Variants in AGO2 observed in about 807,000 individuals in gnomAD.
AGO2 encodes the protein protein argonaute-2.
Under a neutral mutation model 102.3 loss-of-function variants are expected in AGO2, and 5 were observed. The observed-to-expected ratio is 0.05, with a 90% CI of 0.03 to 0.10. The LOEUF (loss-of-function observed/expected upper bound fraction) is 0.10, where lower values mean the gene tolerates loss of function less well. Ranked by LOEUF, AGO2 falls within the 10% of genes least tolerant of loss-of-function variation. The pLI is 1.00. For synonymous variants in AGO2, 449 were observed against 473.1 expected (o/e 0.95, Z 0.66); for missense variants, 541 against 1,183.7 (o/e 0.46, Z 7.97).
Position 140,572,850 on chromosome 8 carries a change from G to C in AGO2, c.298C>G (p.Leu100Val). ...RKPVFDGRKN[L>V]YTAMPLPIGR... The stretch of plus-strand genomic sequence containing the variant: ...ATCGGAAGGGGCATGGCTGTGTATA[G>C]ATTCTTCCTGCCGTCAAACACGGGC... The change falls in exon 3 of 19, where the codon CTA (leucine) becomes GTA (valine). Residue 100 changes from leucine to valine, a missense_variant. Around this residue, in one of 6 missense-constraint regions of AGO2, gnomAD observed 147 missense variants for 204.1 expected, o/e 0.72. Transcript: ENST00000220592. The C allele has an allele frequency of 6.2e-7, 1 of 1,614,078 alleles. No individual in the cohort carries two copies. The highest frequency in any genetic ancestry group is 8.5e-7 in the Non-Finnish European group (1 of 1,180,012).
intron 1 of AGO2, among the ~76,000 whole-genome samples, chr8:140,606,851 T>C (rs2074004485): frequency 6.6e-6 from 1 of 151,280 alleles, no homozygotes; most frequent in Non-Finnish European, 1.5e-5. Flanking sequence ...ACAGGAGAAT[T>C]GCTTGAACCT....
rs570965975 is a variant in AGO2 at position 140,617,963 on chromosome 8, G to A, written c.22+17522C>T. ...GTTGAGGCTGCTGTGAGCCGTGATT[G>A]CACCACTGCACTCCAGCCTGGGCAA... On this transcript the variant is annotated intron_variant, in intron 1 of 18. Coordinates refer to ENST00000220592, the MANE Select transcript of AGO2 (RefSeq NM_012154.5). 6.0e-5 allele frequency among the ~76,000 whole-genome samples: 9 copies of A among 151,188 alleles called. No homozygotes were observed. In the South Asian group the frequency reaches 1.9e-3, roughly 32 times the overall value.
upstream of AGO2, among the ~76,000 whole-genome samples, chr8:140,638,699 T>C (rs1017293187): frequency 2.0e-5 from 3 of 151,992 alleles, no homozygotes; most frequent in African/African-American, 7.3e-5. Flanking sequence ...CTCAGCCTCC[T>C]GAGCAGCTGG....
At chr8:140,627,541 A>G (rs571847607) in intron 1 of AGO2, among the ~76,000 whole-genome samples, 1 of 152,216 alleles carries the variant, frequency 6.6e-6, no homozygotes, top group East Asian at 1.9e-4. Flanking sequence ...TTACTGCCCC[A>G]GTAGGATTTT....
chr8:140,599,209 G>A (rs1303198672), intron 1 of AGO2, among the ~76,000 whole-genome samples: 2 of 152,200 alleles, frequency 1.3e-5, no homozygotes, highest in East Asian at 1.9e-4. Context: ...CCCACTGACA[G>A]GCCAGCATCT....
intron 1 of AGO2, among the ~76,000 whole-genome samples, chr8:140,586,728 C>T (rs569341385): frequency 2.6e-5 from 4 of 152,220 alleles, no homozygotes; most frequent in East Asian, 1.9e-4. Context: ...CTTCTCTCTA[C>T]GCCACACCGG....
intron 1 of AGO2, among the ~76,000 whole-genome samples, chr8:140,588,913 ATTTG>A (rs2073705244): frequency 6.6e-6 from 1 of 152,264 alleles, no homozygotes; most frequent in South Asian, 2.1e-4. Context: ...CACTCAGCAC[ATTTG>A]TTTAAGATTC....
intron 3 of AGO2, 105 bp from the exon 4 acceptor site, chr8:140,562,739 C>T: frequency 2.2e-6 from 3 of 1,348,652 alleles, no homozygotes; most frequent in South Asian, 2.7e-5. Context: ...GAGGAAGTCC[C>T]CGCCCAGGCC....
At chr8:140,635,266 G>T (rs1420852168) in intron 1 of AGO2, among the ~76,000 whole-genome samples, 1 of 146,174 alleles carries the variant, frequency 6.8e-6, no homozygotes, top group Admixed American at 6.8e-5. Context: ...GGAGGCCGGG[G>T]CTGCGCGTCC....
chr8:140,553,414 T>C (rs1179840160), intron 10 of AGO2, among the ~76,000 whole-genome samples: 2 of 150,068 alleles, frequency 1.3e-5, no homozygotes, highest in African/African-American at 4.9e-5. Context: ...GTTTTTTGTT[T>C]TTTTTTTTTT....
intron 3 of AGO2, among the ~76,000 whole-genome samples, chr8:140,569,781 G>T (rs935802702): frequency 6.6e-6 from 1 of 152,180 alleles, no homozygotes; most frequent in Non-Finnish European, 1.5e-5. Context: ...GGGAGAACTC[G>T]TCTCTCTTTC....
In AGO2 at chr8:140,520,436, G is replaced by GT. The variant is rs1315059646; in HGVS notation, c.*11607dup. ...TGCAAACTACTTCACCTAGTAAGCTGTAAAAACAAACTAGAAAGGACCCAG... is the reference window on the plus strand; with the variant it reads ...TGCAAACTACTTCACCTAGTAAGCTGTTAAAAACAAACTAGAAAGGACCCAG... On this transcript the variant is annotated 3_prime_UTR_variant, in exon 19 of 19. Transcript: ENST00000220592. The GT allele has an allele frequency of 2.0e-5, 3 of 152,166 alleles. No homozygotes were observed. Among genetic ancestry groups the GT allele is most frequent in the Admixed American group, 2.0e-4 (3 of 15,286 alleles). 9.4% of individuals were successfully genotyped at this position (152,166 alleles called of 1,614,324 possible).
chr8:140,619,824 G>A (rs575353887), intron 1 of AGO2, among the ~76,000 whole-genome samples: 24 of 152,310 alleles, frequency 1.6e-4, no homozygotes, highest in Admixed American at 3.9e-4. Flanking sequence ...TGGGGGAGGC[G>A]AGAAACCCTG....
At chr8:140,637,101 GTTCC>G (rs2074415294), upstream of AGO2, 1 of 152,278 alleles carries the variant, frequency 6.6e-6, no homozygotes, top group African/African-American at 2.4e-5. Context: ...TGCCAGGCCT[GTTCC>G]TTCCTGCAAT....
At position 140,547,681 on chromosome 8, in the gene AGO2, C is replaced by T. The variant is rs1397923478; in HGVS notation, c.1589-54G>A. Reference sequence around the variant, plus strand: ...CTGCCGGCGCCCCTTCCTCAGCTGGCCCCGAGAGCAGCAGCTGCCACCAGC... The same window carrying T: ...CTGCCGGCGCCCCTTCCTCAGCTGGTCCCGAGAGCAGCAGCTGCCACCAGC... On this transcript the variant is annotated intron_variant, in intron 12 of 18. Coordinates refer to ENST00000220592, the MANE Select transcript of AGO2 (RefSeq NM_012154.5). 3.8e-6 allele frequency: 6 copies of T among 1,563,254 alleles called. No homozygotes were observed. The East Asian group carries it at 6.8e-5, about 18-fold the overall frequency.
rs529673968 is a variant in AGO2 at position 140,552,855 on chromosome 8, C to T, written c.1270-1419G>A. On this transcript the variant is annotated intron_variant, in intron 10 of 18. Coordinates refer to ENST00000220592, the MANE Select transcript of AGO2 (RefSeq NM_012154.5). Reference sequence around the variant, plus strand: ...TTCTTTGTTACGGGGCTGTCCTGTGCCCTGTAGGCGATCCCACTCACCCCC... The same window carrying T: ...TTCTTTGTTACGGGGCTGTCCTGTGTCCTGTAGGCGATCCCACTCACCCCC... Among the ~76,000 whole-genome samples the T allele has an allele frequency of 3.9e-5, 6 of 152,324 alleles. No individual in the cohort carries two copies. In the East Asian group the frequency reaches 1.2e-3, roughly 29 times the overall value.
intron 1 of AGO2, among the ~76,000 whole-genome samples, chr8:140,606,891 C>T (rs1009771444): frequency 2.0e-5 from 3 of 149,450 alleles, no homozygotes; most frequent in Admixed American, 2.0e-4. Flanking sequence ...GAGCCGAGAT[C>T]ACACCACTGT....
the AGO2 span, among the ~76,000 whole-genome samples, chr8:140,641,698 C>A: frequency 6.6e-6 from 1 of 152,260 alleles, no homozygotes; most frequent in African/African-American, 2.4e-5. Flanking sequence ...ATTCTCGTGC[C>A]TCAGCCCCCC....
intron 1 of AGO2, among the ~76,000 whole-genome samples, chr8:140,598,148 C>T (rs188877692): frequency 3.9e-5 from 6 of 152,304 alleles, no homozygotes; most frequent in South Asian, 2.1e-4. Flanking sequence ...CAGCCACTGC[C>T]GACCTCGGGG....
Sources: gnomAD v4.1 joint callset for allele counts (sites outside exome capture counted in the v4.1 genomes callset) on GRCh38, gnomAD v4.1.1 for gene constraint, gnomAD v4.1.1 regional missense constraint, MANE v1.5 for transcripts, NCBI Gene and HGNC (gene_info 2026-07-23, HGNC 2026-07-21) for gene names.